ASCC3: variants seen among roughly 807,000 people sequenced by gnomAD.
The protein encoded by ASCC3 is ASC-1 complex subunit P200.
In ASCC3, 158 loss-of-function variants were observed where a neutral mutation model predicts 256.3. That is an observed-to-expected ratio of 0.62 (90% CI 0.54 to 0.70). The LOEUF (loss-of-function observed/expected upper bound fraction) is 0.70. Ranked by LOEUF, ASCC3 falls within the 30% of genes least tolerant of loss-of-function variation. ASCC3 has a pLI of 0.00. For synonymous variants in ASCC3, 948 were observed against 883.4 expected, an observed-to-expected ratio of 1.07 and a Z score of -1.30; for missense variants, 2,259 against 2,626.0, an observed-to-expected ratio of 0.86 and a Z score of 3.05.
At chr6:100,611,748 T>A (rs1481710541) in intron 30 of ASCC3, among the ~76,000 whole-genome samples, 4 of 151,980 alleles carry the variant, frequency 2.6e-5, no homozygotes, top group African/African-American at 9.7e-5. Context: ...TCTTCTCAAT[T>A]TTTCTAGTGA....
chr6:100,723,533 G>A (rs151280776), intron 11 of ASCC3, among the ~76,000 whole-genome samples: 1 of 151,202 alleles, frequency 6.6e-6, no homozygotes, highest in Non-Finnish European at 1.5e-5. Flanking sequence ...AAACACTTTC[G>A]AACTTTTAAA....
At position 100,662,347 on chromosome 6, in the gene ASCC3, T is replaced by C; in HGVS notation, c.2476A>G (p.Lys826Glu). The C allele has an allele frequency of 6.2e-7, 1 of 1,612,602 alleles. No homozygotes were observed. Among genetic ancestry groups the C allele is most frequent in the Non-Finnish European group, 8.5e-7 (1 of 1,179,106 alleles). ...VNLPAHAVIIKGTQIYAAKRG... is the reference protein window; with the variant it reads ...VNLPAHAVIIEGTQIYAAKRG... ...TATCAAGGAAGGTAAGCTCTTACCT[T>C]AATAATAACAGCATGGGCGGGAAGA... The change falls in exon 15 of 42, where the codon AAG (lysine) becomes GAG (glutamate). Residue 826 changes from lysine (K) to glutamate (E), a missense_variant and splice_region_variant. Lys to Glu is a moderately conservative substitution (Grantham distance 56). Coordinates refer to ENST00000369162, the MANE Select transcript of ASCC3 (RefSeq NM_006828.4).
intron 13 of ASCC3, among the ~76,000 whole-genome samples, chr6:100,709,522 AAT>A (rs1778770783): frequency 6.6e-6 from 1 of 152,192 alleles, no homozygotes; most frequent in African/African-American, 2.4e-5. Context: ...AACAAAGAGA[AAT>A]AATCATGTTA....
At chr6:100,562,572 C>A (rs897919126) in intron 36 of ASCC3, among the ~76,000 whole-genome samples, 1 of 152,052 alleles carries the variant, frequency 6.6e-6, no homozygotes, top group Non-Finnish European at 1.5e-5. Flanking sequence ...CTTTTTCCCA[C>A]TGATTCCCTT....
At chr6:100,878,351 A>G (rs1769092741) in intron 1 of ASCC3, among the ~76,000 whole-genome samples, 1 of 152,242 alleles carries the variant, frequency 6.6e-6, no homozygotes, top group Admixed American at 6.5e-5. Context: ...AATCCTGGAC[A>G]GGCTCATAAC....
At chr6:100,708,271 C>T (rs200321578) in intron 13 of ASCC3, among the ~76,000 whole-genome samples, 1 of 151,992 alleles carries the variant, frequency 6.6e-6, no homozygotes, top group East Asian at 1.9e-4. Context: ...CAAGACAATG[C>T]TTCTTTAATT....
At chr6:100,732,388 G>C (rs1779944992) in intron 10 of ASCC3, among the ~76,000 whole-genome samples, 1 of 152,104 alleles carries the variant, frequency 6.6e-6, no homozygotes, top group African/African-American at 2.4e-5. Context: ...TTTTGGGAAA[G>C]GCAGACAGAG....
chr6:100,796,305 A>C (rs1157278883), intron 8 of ASCC3, among the ~76,000 whole-genome samples: 2 of 152,184 alleles, frequency 1.3e-5, no homozygotes, highest in East Asian at 3.8e-4. Context: ...ACACCTAAGC[A>C]TGCAGTTGCA....
At chr6:100,741,353 T>C (rs979914986) in intron 10 of ASCC3, among the ~76,000 whole-genome samples, 4 of 152,152 alleles carry the variant, frequency 2.6e-5, no homozygotes, top group Admixed American at 6.5e-5. Flanking sequence ...CTGATGATCA[T>C]GTGTCTTGGG....
chr6:100,878,318 C>T lies in ASCC3; in HGVS notation c.-42+2743G>A, dbSNP rs562578151. Among the ~76,000 whole-genome samples, 26 of 152,280 alleles carry T rather than the reference C, an allele frequency of 1.7e-4. 1 individual carries two copies. The highest frequency in any genetic ancestry group is 6.3e-4 in the African/African-American group (26 of 41,552). On this transcript the variant is annotated intron_variant, in intron 1 of 41. Transcript: ENST00000369162. Reference sequence around the variant, plus strand: ...TCTAACTTATCCTCTAACTAGGTTTCCCATTCAAAGGTGGGGGAAAAAAAT... The same window carrying T: ...TCTAACTTATCCTCTAACTAGGTTTTCCATTCAAAGGTGGGGGAAAAAAAT...
intron 4 of ASCC3, among the ~76,000 whole-genome samples, chr6:100,826,628 C>G (rs1771325173): frequency 6.6e-6 from 1 of 152,158 alleles, no homozygotes; most frequent in African/African-American, 2.4e-5. Context: ...ACTAATTGAA[C>G]TGCTGAAGAC....
At chr6:100,683,556 T>A (rs76990892) in intron 13 of ASCC3, among the ~76,000 whole-genome samples, 2,343 of 152,232 alleles carry the variant, frequency 0.015, 23 homozygotes, top group East Asian at 0.045. Context: ...TTTGCTAATT[T>A]GGTTAATTAA....
chr6:100,851,808 G>A (rs532299099), intron 3 of ASCC3, among the ~76,000 whole-genome samples: 2 of 152,282 alleles, frequency 1.3e-5, no homozygotes, highest in Non-Finnish European at 2.9e-5. Flanking sequence ...TAACATGGAT[G>A]ACTACACAAC....
chr6:100,617,029 G>C (rs1773699199), intron 30 of ASCC3, among the ~76,000 whole-genome samples: 1 of 151,958 alleles, frequency 6.6e-6, no homozygotes, highest in South Asian at 2.1e-4. Context: ...TGTTGAGACA[G>C]AGTCTTGCTC....
chr6:100,687,023 C>G (rs1004009308), intron 13 of ASCC3, among the ~76,000 whole-genome samples: 1 of 130,764 alleles, frequency 7.6e-6, no homozygotes, highest in Non-Finnish European at 1.6e-5. Flanking sequence ...CTCTCTCTCT[C>G]TCTCTCTCTC....
At chr6:100,758,520 A>C (rs1326850915) in intron 10 of ASCC3, among the ~76,000 whole-genome samples, 1 of 152,218 alleles carries the variant, frequency 6.6e-6, no homozygotes, top group Non-Finnish European at 1.5e-5. Flanking sequence ...TAGTCTGCTG[A>C]GGATGATGGT....
At chr6:100,538,169 C>A (rs1303495041) in intron 37 of ASCC3, among the ~76,000 whole-genome samples, 1 of 152,000 alleles carries the variant, frequency 6.6e-6, no homozygotes, top group Non-Finnish European at 1.5e-5. Flanking sequence ...ATTCATCTTG[C>A]CACTTCTCTT....
At chr6:100,569,619 C>T (rs1316564958) in intron 36 of ASCC3, among the ~76,000 whole-genome samples, 2 of 152,054 alleles carry the variant, frequency 1.3e-5, no homozygotes, top group Non-Finnish European at 2.9e-5. Context: ...CTCCTGACCT[C>T]GTGATCCGCC....
intron 37 of ASCC3, among the ~76,000 whole-genome samples, chr6:100,534,823 A>G (rs560980654): frequency 2.8e-4 from 42 of 152,220 alleles, no homozygotes; most frequent in Non-Finnish European, 4.7e-4. Context: ...GAATAATTCT[A>G]CTACAACTAT....
Sources: gnomAD v4.1 joint callset for allele counts (sites outside exome capture counted in the v4.1 genomes callset) on GRCh38, gnomAD v4.1.1 for gene constraint, MANE v1.5 for transcripts, NCBI Gene and HGNC (gene_info 2026-07-23, HGNC 2026-07-21) for gene names.